The following GPHN variants were observed in gnomAD, a reference collection of about 807,000 sequenced individuals.
GPHN encodes the protein gephyrin.
In GPHN, 17 loss-of-function variants were observed where a neutral mutation model predicts 95.5. The ratio of observed to expected loss-of-function variants is 0.18; its 90% CI spans 0.12 to 0.27. The LOEUF (loss-of-function observed/expected upper bound fraction) is 0.27. Ranked by LOEUF, GPHN falls within the 10% of genes least tolerant of loss-of-function variation. The pLI is 1.00. For missense variants in GPHN, 660 were observed against 978.1 expected, an observed-to-expected ratio of 0.67 and a Z score of 4.34; for synonymous variants, 320 against 322.5, an observed-to-expected ratio of 0.99 and a Z score of 0.08.
chr14:66,778,478 T>C (rs1307421807), intron 3 of GPHN, among the ~76,000 whole-genome samples: 2 of 152,186 alleles, frequency 1.3e-5, no homozygotes, highest in Middle Eastern at 3.2e-3. Context: ...CTAAGTCTTA[T>C]GGAATATTAA....
chr14:67,037,378 T>C (rs576229750), intron 10 of GPHN, among the ~76,000 whole-genome samples: 4 of 152,038 alleles, frequency 2.6e-5, no homozygotes, highest in Admixed American at 2.6e-4. Flanking sequence ...CTTTATGACA[T>C]TGAAATGGGA....
chr14:67,360,995 T>G, the GPHN span, among the ~76,000 whole-genome samples: 1 of 152,048 alleles, frequency 6.6e-6, no homozygotes, highest in Non-Finnish European at 1.5e-5. Flanking sequence ...ATTGAATGAG[T>G]CACCCCTTGA....
At chr14:66,932,445 T>G (rs986993631) in intron 8 of GPHN, among the ~76,000 whole-genome samples, 4 of 47,630 alleles carry the variant, frequency 8.4e-5, no homozygotes, top group Non-Finnish European at 8.3e-5. Flanking sequence ...CAAGACCAGG[T>G]TTTTTTTTTT....
intron 1 of GPHN, among the ~76,000 whole-genome samples, chr14:66,641,615 T>C (rs969923777): frequency 3.4e-5 from 5 of 148,816 alleles, no homozygotes; most frequent in Non-Finnish European, 7.4e-5. Flanking sequence ...ATGCTGTCAG[T>C]AGTACCAACC....
chr14:66,649,103 C>T (rs1479571403), intron 1 of GPHN, among the ~76,000 whole-genome samples: 4 of 152,034 alleles, frequency 2.6e-5, no homozygotes, highest in South Asian at 2.1e-4. Flanking sequence ...AGGCCGAGGC[C>T]GGTGGATTGC....
intron 2 of GPHN, among the ~76,000 whole-genome samples, chr14:66,687,011 T>C (rs927644378): frequency 6.6e-6 from 1 of 152,214 alleles, no homozygotes; most frequent in East Asian, 1.9e-4. Context: ...GAGATGATCA[T>C]GTGGTTTTTG....
At chr14:67,059,601 A>G (rs1022236274) in intron 11 of GPHN, among the ~76,000 whole-genome samples, 3 of 152,200 alleles carry the variant, frequency 2.0e-5, no homozygotes, top group Non-Finnish European at 4.4e-5. Flanking sequence ...AGGAAACTCA[A>G]ACTCAGAATA....
chr14:67,094,625 C>T (rs2077276541), intron 12 of GPHN, among the ~76,000 whole-genome samples: 2 of 152,060 alleles, frequency 1.3e-5, no homozygotes, highest in South Asian at 4.2e-4. Context: ...CCTACCTAAA[C>T]TTGTAGAATT....
At chr14:67,606,955 G>T in the GPHN span, among the ~76,000 whole-genome samples, 1 of 152,034 alleles carries the variant, frequency 6.6e-6, no homozygotes, top group Non-Finnish European at 1.5e-5. Flanking sequence ...CAAGAGCCCT[G>T]GTTTTTAAAA....
the GPHN span, among the ~76,000 whole-genome samples, chr14:67,325,977 TTC>T: frequency 7.8e-6 from 1 of 127,734 alleles, no homozygotes; most frequent in African/African-American, 3.8e-5. Context: ...CCCGGCTCTT[TTC>T]TTTTTTTTTT....
chr14:66,514,196 A>G (rs2058150076), intron 1 of GPHN, among the ~76,000 whole-genome samples: 1 of 152,054 alleles, frequency 6.6e-6, no homozygotes. Context: ...AAGCATAAGT[A>G]AATTAGGCAC....
At chr14:66,557,328 A>C (rs958306606) in intron 1 of GPHN, among the ~76,000 whole-genome samples, 3 of 152,108 alleles carry the variant, frequency 2.0e-5, no homozygotes, top group Non-Finnish European at 4.4e-5. Flanking sequence ...TATTTTCCCA[A>C]ATTTTGTTGA....
intron 1 of GPHN, among the ~76,000 whole-genome samples, chr14:66,572,482 C>CTGTGTGTG (rs60787589): frequency 4.7e-5 from 7 of 148,562 alleles, no homozygotes; most frequent in African/African-American, 1.5e-4. Flanking sequence ...ATTTATTCCT[C>CTGTGTGTG]TGTGTGTGTG....
chr14:67,580,798 C>G, the GPHN span: 2 of 602,690 alleles, frequency 3.3e-6, no homozygotes, highest in Middle Eastern at 2.7e-4. Flanking sequence ...AAGCATGAAG[C>G]TCCGCAGGTC....
intron 3 of GPHN, among the ~76,000 whole-genome samples, chr14:66,801,026 T>G (rs1187083761): frequency 6.6e-6 from 1 of 152,252 alleles, no homozygotes; most frequent in Admixed American, 6.5e-5. Flanking sequence ...CTTTAGAATT[T>G]CTTGTTGCTT....
the GPHN span, among the ~76,000 whole-genome samples, chr14:67,710,790 A>G: frequency 6.6e-6 from 1 of 152,138 alleles, no homozygotes; most frequent in East Asian, 1.9e-4. Flanking sequence ...CCAAATAATG[A>G]AATATCTATT....
At chr14:66,594,037 C>T (rs1835814400) in intron 1 of GPHN, among the ~76,000 whole-genome samples, 1 of 151,958 alleles carries the variant, frequency 6.6e-6, no homozygotes, top group Non-Finnish European at 1.5e-5. Context: ...ATCAAATTGC[C>T]TCAAAAGGAA....
intron 1 of GPHN, among the ~76,000 whole-genome samples, chr14:66,594,676 G>C (rs1343263802): frequency 6.6e-6 from 1 of 152,120 alleles, no homozygotes; most frequent in Non-Finnish European, 1.5e-5. Context: ...TCTCAAAATG[G>C]ATTAAATGCT....
At chr14:67,409,664 G>C in the GPHN span, among the ~76,000 whole-genome samples, 1 of 151,932 alleles carries the variant, frequency 6.6e-6, no homozygotes, top group Non-Finnish European at 1.5e-5. Context: ...CTTCTTTCTC[G>C]TCTGGGTGGG....
Sources: gnomAD v4.1 joint callset for allele counts (sites outside exome capture counted in the v4.1 genomes callset) on GRCh38, gnomAD v4.1.1 for gene constraint, MANE v1.5 for transcripts, NCBI Gene and HGNC (gene_info 2026-07-23, HGNC 2026-07-21) for gene names.